MPDZ: variants seen among roughly 807,000 people sequenced by gnomAD.
The protein encoded by MPDZ is multiple PDZ domain protein.
In MPDZ, 234 loss-of-function variants were observed where a neutral mutation model predicts 239.1. That is an observed-to-expected ratio of 0.98 (90% CI 0.88 to 1.09). The LOEUF is 1.09. Ranked by LOEUF, MPDZ falls within the 50% of genes least tolerant of loss-of-function variation. The pLI is 0.00. For missense variants in MPDZ, 3,175 were observed against 2,510.0 expected (o/e 1.26, Z -5.66); for synonymous variants, 1,048 against 881.3 (o/e 1.19, Z -3.35).
Position 13,217,228 on chromosome 9 carries a change from G to C in MPDZ, c.1153C>G (p.Gln385Glu), listed in dbSNP as rs1208754272. ...TFDVELTKNV[Q>E]GLGITIAGYI... is the part of the protein sequence containing the mutation. ...CCAGCAATGGTAATTCCTAATCCTTGGACATTTTTAGTGAGTTCTACATCA... is the reference window on the plus strand; with the variant it reads ...CCAGCAATGGTAATTCCTAATCCTTCGACATTTTTAGTGAGTTCTACATCA... Residue 385 changes from glutamine (Q) to glutamate (E), a missense_variant, in exon 9 of 47, where the codon CAA becomes GAA. Transcript: ENST00000319217. The C allele has an allele frequency of 2.5e-6, 4 of 1,603,108 alleles. No individual in the cohort carries two copies. In the South Asian group the frequency reaches 4.5e-5, roughly 18 times the overall value.
intron 12 of MPDZ, among the ~76,000 whole-genome samples, chr9:13,204,737 T>C (rs1455670186): frequency 6.6e-6 from 1 of 152,134 alleles, no homozygotes; most frequent in African/African-American, 2.4e-5. Flanking sequence ...GAACCACACA[T>C]ACAAACAGTT....
chr9:13,219,630 C>G lies in MPDZ; in HGVS notation c.1015G>C (p.Glu339Gln). The stretch of plus-strand genomic sequence containing the variant: ...AAAGCAGTGGGTGCTGTACGTTCTT[C>G]TATGGCACCTCTTGCAATCATCAAC... ...VKLMIARGAI[E>Q]ERTAPTALGI... is the part of the protein sequence containing the mutation. The change falls in exon 8 of 47, where the codon GAA becomes CAA. Residue 339 changes from glutamate (E) to glutamine (Q), a missense_variant. Glu to Gln is a conservative substitution (Grantham distance 29). Coordinates refer to ENST00000319217, the MANE Select transcript of MPDZ (RefSeq NM_001378778.1). 6.2e-7 allele frequency: 1 copy of G among 1,612,556 alleles called. No homozygotes were observed. The highest frequency in any genetic ancestry group is 8.5e-7 in the Non-Finnish European group (1 of 1,179,170).
intron 21 of MPDZ, among the ~76,000 whole-genome samples, chr9:13,172,386 T>TG (rs1443044743): frequency 7.2e-5 from 1 of 13,980 alleles, no homozygotes; most frequent in African/African-American, 1.9e-4. Context: ...CTTTGTTTTT[T>TG]GTTTTTTTTT....
Position 13,137,952 on chromosome 9 carries a change from C to A in MPDZ, c.4200+5G>T. 1 of 1,613,422 alleles carries A rather than the reference C, an allele frequency of 6.2e-7. No homozygotes were observed. The highest frequency in any genetic ancestry group is 8.5e-7 in the Non-Finnish European group (1 of 1,179,610). On this transcript the variant is annotated splice_donor_5th_base_variant and intron_variant, in intron 29 of 46. Transcript: ENST00000319217. ...ATAAATTCAAAATTTTCCACAAAAA[C>A]TTACCTCTAGAAGCTCATCTGCAAT... is the stretch of plus-strand genomic sequence containing the variant.
chr9:13,232,961 A>T (rs1587993973), intron 3 of MPDZ, among the ~76,000 whole-genome samples: 1 of 151,976 alleles, frequency 6.6e-6, no homozygotes, highest in East Asian at 1.9e-4. Context: ...TCATCAGGAA[A>T]ATGCAAATTA....
chr9:13,254,076 C>A (rs938197607), intron 1 of MPDZ, among the ~76,000 whole-genome samples: 3 of 152,190 alleles, frequency 2.0e-5, no homozygotes, highest in Non-Finnish European at 4.4e-5. Context: ...CAAGATTTAA[C>A]TTCCCTGTTT....
rs1003960981 is a variant in MPDZ at position 13,224,433 on chromosome 9, G to A, written c.334C>T (p.His112Tyr). The A allele has an allele frequency of 4.3e-6, 7 of 1,612,762 alleles. No homozygotes were observed. The highest frequency in any genetic ancestry group is 2.2e-5 in the East Asian group (1 of 44,828). The change falls in exon 4 of 47, where the codon CAC becomes TAC. Residue 112 changes from histidine to tyrosine, a missense_variant. Coordinates refer to ENST00000319217, the MANE Select transcript of MPDZ (RefSeq NM_001378778.1). ...TCACAAGCAGGTTTCCCATTAATGT[G>A]TGGAATACCAGGTCCTGTAAGTGCT... is the stretch of plus-strand genomic sequence containing the variant. ...LEALTGPGIP[H>Y]INGKPACDEF... is the part of the protein sequence containing the mutation.
At chr9:13,224,737 G>A (rs1959985529) in intron 3 of MPDZ, among the ~76,000 whole-genome samples, 154 bp from the exon 4 acceptor site, 1 of 152,060 alleles carries the variant, frequency 6.6e-6, no homozygotes, top group Non-Finnish European at 1.5e-5. Context: ...TTTCAAGGAT[G>A]AACATTAGGA....
intron 32 of MPDZ, among the ~76,000 whole-genome samples, chr9:13,127,116 G>A (rs1256367565): frequency 6.6e-6 from 1 of 152,174 alleles, no homozygotes; most frequent in African/African-American, 2.4e-5. Context: ...GACTGAATAA[G>A]TCATTCAAAA....
chr9:13,167,938 T>C (rs1343605243), intron 22 of MPDZ, among the ~76,000 whole-genome samples: 1 of 152,150 alleles, frequency 6.6e-6, no homozygotes, highest in Non-Finnish European at 1.5e-5. Flanking sequence ...CACTGTTTTA[T>C]GTTGTCTTTT....
In MPDZ at chr9:13,224,514, T is replaced by A; in HGVS notation, c.253A>T (p.Ile85Phe). The A allele has an allele frequency of 6.2e-7, 1 of 1,612,828 alleles. No homozygotes were observed. The highest frequency in any genetic ancestry group is 8.5e-7 in the Non-Finnish European group (1 of 1,179,264). ...AHVPHLSPAV[I>F]PTLQNESFLL... ...AACGATTCATTTTGCAGAGTAGGAA[T>A]CACAGCTGGGCTGAGATGAGGAACG... The change falls in exon 4 of 47, where the codon ATT (isoleucine) becomes TTT (phenylalanine). Residue 85 changes from isoleucine to phenylalanine, a missense_variant. By Grantham distance (21) the Ile-to-Phe change is conservative. Transcript: ENST00000319217.
intron 7 of MPDZ, 103 bp downstream of exon 7, chr9:13,221,269 G>T: frequency 8.0e-7 from 1 of 1,243,684 alleles, no homozygotes; most frequent in Non-Finnish European, 1.1e-6. Flanking sequence ...AATTTCTTTG[G>T]CATCATTTAA....
chr9:13,208,996 C>G (rs1259601137), intron 10 of MPDZ, among the ~76,000 whole-genome samples: 1 of 152,098 alleles, frequency 6.6e-6, no homozygotes, highest in Non-Finnish European at 1.5e-5. Context: ...CTTAGACCAG[C>G]AACTTGGAGG....
chr9:13,266,915 G>C (rs1240891389), intron 1 of MPDZ, among the ~76,000 whole-genome samples: 1 of 152,180 alleles, frequency 6.6e-6, no homozygotes. Flanking sequence ...CCTGACTAGA[G>C]TCGCTAAGTA....
chr9:13,168,066 G>T (rs2133886249), intron 22 of MPDZ, among the ~76,000 whole-genome samples: 1 of 152,160 alleles, frequency 6.6e-6, no homozygotes, highest in African/African-American at 2.4e-5. Context: ...CTAAAAGTGG[G>T]CCCTCTTGCT....
In MPDZ at chr9:13,204,594, G is replaced by C. The variant is rs372237216; in HGVS notation, c.1546+442C>G. 5.5e-4 allele frequency among the ~76,000 whole-genome samples: 83 copies of C among 152,070 alleles called. 1 individual carries two copies. Among genetic ancestry groups the C allele is most frequent in the African/African-American group, 1.9e-3 (79 of 41,490 alleles). ...CTGAAAAATTAAGAAGTGATAAAAAGCCTCCCAAAATTGAATAGTCTCATT... is the reference window on the plus strand; with the variant it reads ...CTGAAAAATTAAGAAGTGATAAAAACCCTCCCAAAATTGAATAGTCTCATT... On this transcript the variant is annotated intron_variant, in intron 12 of 46. Coordinates refer to ENST00000319217, the MANE Select transcript of MPDZ (RefSeq NM_001378778.1).
intron 3 of MPDZ, among the ~76,000 whole-genome samples, chr9:13,239,880 T>C (rs889358742): frequency 2.0e-5 from 3 of 152,154 alleles, no homozygotes; most frequent in Non-Finnish European, 2.9e-5. Flanking sequence ...TGTGTGTTTA[T>C]GCATATTTAC....
At chr9:13,247,884 C>A (rs1966850740) in intron 2 of MPDZ, 83 bp from the exon 3 acceptor site, 2 of 1,293,074 alleles carry the variant, frequency 1.5e-6, no homozygotes, top group Non-Finnish European at 2.1e-6. Context: ...TGTAGAAATT[C>A]TAAAACTATT....
intron 3 of MPDZ, among the ~76,000 whole-genome samples, chr9:13,239,459 G>C (rs1446028842): frequency 6.6e-6 from 1 of 152,040 alleles, no homozygotes; most frequent in African/African-American, 2.4e-5. Flanking sequence ...AACTAGAACA[G>C]TTCTGGGCAC....
Sources: gnomAD v4.1 joint callset for allele counts (sites outside exome capture counted in the v4.1 genomes callset) on GRCh38, gnomAD v4.1.1 for gene constraint, MANE v1.5 for transcripts, NCBI Gene and HGNC (gene_info 2026-07-23, HGNC 2026-07-21) for gene names.